The following ZNF83 variants were observed in gnomAD, a reference collection of about 807,000 sequenced individuals.
ZNF83 encodes the protein zinc finger protein 816B.
For missense variants in ZNF83, 552 were observed against 629.9 expected, an observed-to-expected ratio of 0.88 and a Z score of 1.32; for synonymous variants, 209 against 213.0, an observed-to-expected ratio of 0.98 and a Z score of 0.17.
chr19:52,676,502 G>C (rs374571821), intron 1 of ZNF83, among the ~76,000 whole-genome samples: 4 of 151,102 alleles, frequency 2.6e-5, no homozygotes, highest in Non-Finnish European at 5.9e-5. Flanking sequence ...GGAGGGAGGT[G>C]GGGGGCAGCC....
At chr19:52,674,681 A>G (rs1004390014) in intron 1 of ZNF83, among the ~76,000 whole-genome samples, 126 of 151,270 alleles carry the variant, frequency 8.3e-4, no homozygotes, top group African/African-American at 2.9e-3. Flanking sequence ...AGAGAATTTA[A>G]ACTAAGATAT....
chr19:52,680,825 G>A (rs938670179), intron 1 of ZNF83, among the ~76,000 whole-genome samples: 2 of 149,760 alleles, frequency 1.3e-5, no homozygotes, highest in African/African-American at 5.0e-5. Flanking sequence ...TGTTAGCCAG[G>A]ATGGTCTCGA....
At chr19:52,660,508 C>T (rs2061565820) in intron 2 of ZNF83, among the ~76,000 whole-genome samples, 1 of 149,304 alleles carries the variant, frequency 6.7e-6, no homozygotes, top group Non-Finnish European at 1.5e-5. Flanking sequence ...ATCACAGCTG[C>T]TTGGGATGCT....
intron 1 of ZNF83, among the ~76,000 whole-genome samples, chr19:52,666,156 T>C (rs1168638569): frequency 1.1e-5 from 1 of 93,110 alleles, no homozygotes; most frequent in African/African-American, 4.4e-5. Flanking sequence ...AGAGCAAGAC[T>C]CCATCTCAAA....
At chr19:52,632,348 C>T (rs1196187389) in intron 2 of ZNF83, among the ~76,000 whole-genome samples, 1 of 152,202 alleles carries the variant, frequency 6.6e-6, no homozygotes, top group Non-Finnish European at 1.5e-5. Flanking sequence ...ACTTTTACCA[C>T]TTTCGCTTCT....
chr19:52,681,927 A>C (rs998360871), intron 1 of ZNF83, among the ~76,000 whole-genome samples: 1 of 152,206 alleles, frequency 6.6e-6, no homozygotes. Context: ...AGCTCACTGC[A>C]ACCTCGTTTG....
chr19:52,687,667 T>C lies in ZNF83; in HGVS notation c.-283+2776A>G, dbSNP rs1430904961. Among the ~76,000 whole-genome samples, 7 of 104,324 alleles carry C rather than the reference T, an allele frequency of 6.7e-5. 1 individual carries two copies. The highest frequency in any genetic ancestry group is 9.2e-5 in the African/African-American group (2 of 21,684). 68.4% of individuals were successfully genotyped at this position (104,324 alleles called of 152,430 possible). On this transcript the variant is annotated intron_variant, in intron 1 of 5. Transcript: ENST00000594682. Reference sequence around the variant, plus strand: ...TATATATATATATATAATGTATATATATATATAACTAGCCGGGCTTGGTGG... The same window carrying C: ...TATATATATATATATAATGTATATACATATATAACTAGCCGGGCTTGGTGG...
intron 2 of ZNF83, among the ~76,000 whole-genome samples, chr19:52,631,336 C>T (rs957797234): frequency 6.6e-6 from 1 of 152,274 alleles, no homozygotes; most frequent in Middle Eastern, 3.4e-3. Flanking sequence ...AGAATTCTTA[C>T]ACAAGAGCCA....
chr19:52,666,163 CAAA>C (rs35992506), intron 1 of ZNF83, among the ~76,000 whole-genome samples: 2 of 102,340 alleles, frequency 2.0e-5, no homozygotes, highest in Admixed American at 1.1e-4. Flanking sequence ...GACTCCATCT[CAAA>C]AAAAAAAAAA....
intron 2 of ZNF83, among the ~76,000 whole-genome samples, chr19:52,633,291 GCTGA>G (rs1018265309): frequency 2.7e-5 from 4 of 147,988 alleles, no homozygotes; most frequent in African/African-American, 1.0e-4. Flanking sequence ...ATCTCCCTTC[GCTGA>G]CTCTCTTTTC....
At chr19:52,655,316 A>T (rs1467074345) in intron 3 of ZNF83, 7 of 383,904 alleles carry the variant, frequency 1.8e-5, no homozygotes, top group Non-Finnish European at 3.2e-5. Flanking sequence ...CTCTGCTTAG[A>T]GCAGGATGAC....
upstream of ZNF83, among the ~76,000 whole-genome samples, chr19:52,639,415 A>ATT (rs1160711365): frequency 3.8e-4 from 33 of 86,308 alleles, 1 homozygote; most frequent in Middle Eastern, 7.4e-3. Context: ...AGTTTTTTCT[A>ATT]TTTTTTTTTT....
intron 1 of ZNF83, among the ~76,000 whole-genome samples, chr19:52,688,934 C>T (rs1253399097): frequency 1.4e-5 from 2 of 139,178 alleles, no homozygotes; most frequent in African/African-American, 5.5e-5. Flanking sequence ...CCCCACCTTC[C>T]AGAGCAAGGT....
chr19:52,689,483 G>C (rs1335360804), intron 1 of ZNF83, among the ~76,000 whole-genome samples: 3 of 151,942 alleles, frequency 2.0e-5, no homozygotes, highest in African/African-American at 7.3e-5. Flanking sequence ...ACTCTGCTCT[G>C]TCTGCCCTGG....
chr19:52,685,405 T>C (rs2061998243), intron 1 of ZNF83, among the ~76,000 whole-genome samples: 1 of 152,102 alleles, frequency 6.6e-6, no homozygotes, highest in Admixed American at 6.6e-5. Flanking sequence ...TACAGAAGCA[T>C]CTTTCAAATA....
chr19:52,654,403 T>C (rs1600232785), intron 3 of ZNF83: 2 of 1,122,872 alleles, frequency 1.8e-6, no homozygotes, highest in African/African-American at 1.6e-5. Flanking sequence ...TAAAGAGCTA[T>C]CTAAAAAATA....
In ZNF83 at chr19:52,614,793, A is replaced by C. The variant is rs2060247414; in HGVS notation, c.-229T>G. ...ATTCCTTGATCTCACATTTAGAAAA[A>C]ATACCTACAAGATATAAGGATCCCA... is the stretch of plus-strand genomic sequence containing the variant. On this transcript the variant is annotated 5_prime_UTR_variant, in exon 3 of 3. It adds an upstream start codon to the 5' untranslated region. Transcript: ENST00000301096. 1.6e-6 allele frequency: 2 copies of C among 1,284,018 alleles called. No homozygotes were observed. The highest frequency in any genetic ancestry group is 9.9e-7 in the Non-Finnish European group (1 of 1,008,440). The allele number at this position is 1,284,018 out of a possible 1,614,324, so 79.5% of individuals were successfully genotyped here.
chr19:52,640,794 TAAG>T (rs1321508919), upstream of ZNF83, among the ~76,000 whole-genome samples: 2 of 152,128 alleles, frequency 1.3e-5, no homozygotes, highest in Non-Finnish European at 2.9e-5. Context: ...ATTTTCAACT[TAAG>T]AGGAAAAACG....
chr19:52,634,871 T>C (rs1004715071), intron 2 of ZNF83, among the ~76,000 whole-genome samples, 195 bp downstream of exon 2: 2 of 152,140 alleles, frequency 1.3e-5, no homozygotes, highest in African/African-American at 4.8e-5. Context: ...GTGCAGCCTC[T>C]TCCCAAGTTC....
Sources: allele counts gnomAD v4.1 joint callset (sites outside exome capture counted in the v4.1 genomes callset), GRCh38; gene constraint gnomAD v4.1.1; transcripts MANE v1.5; gene names NCBI Gene and HGNC (gene_info 2026-07-23, HGNC 2026-07-21).